ADGRV1: variants seen among roughly 807,000 people sequenced by gnomAD.
The protein encoded by ADGRV1 is G-protein coupled receptor 98.
Under a neutral mutation model 596.2 loss-of-function variants are expected in ADGRV1, and 359 were observed. That is an observed-to-expected ratio of 0.60 (90% confidence interval 0.55 to 0.66). The LOEUF (loss-of-function observed/expected upper bound fraction) is 0.66, where lower values mean the gene tolerates loss of function less well. ADGRV1 is among the 30% of genes least tolerant of loss of function. The pLI, the probability that ADGRV1 is intolerant of heterozygous loss-of-function variation, is 0.00. For missense variants in ADGRV1, 7,274 were observed against 7,575.6 expected, an observed-to-expected ratio of 0.96 and a Z score of 1.48; for synonymous variants, 2,681 against 2,679.2, an observed-to-expected ratio of 1.00 and a Z score of -0.02.
intron 87 of ADGRV1, among the ~76,000 whole-genome samples, chr5:91,140,232 C>G (rs573164334): frequency 6.6e-6 from 1 of 152,144 alleles, no homozygotes; most frequent in Admixed American, 6.5e-5. Context: ...GCAAAGTGAT[C>G]CCTTCTCCTC....
At chr5:90,805,507 A>G in intron 72 of ADGRV1, 49 bp downstream of exon 72, 1 of 1,414,586 alleles carries the variant, frequency 7.1e-7, no homozygotes, top group East Asian at 2.3e-5. Flanking sequence ...TTGGAAGGAT[A>G]TCACTGGCCA....
chr5:91,094,454 T>G (rs966861673), intron 86 of ADGRV1, among the ~76,000 whole-genome samples: 4 of 142,190 alleles, frequency 2.8e-5, no homozygotes, highest in African/African-American at 1.2e-4. Flanking sequence ...GTGAGAGTCC[T>G]TCTATGTAAA....
At chr5:90,620,484 A>C (rs1763920872) in intron 4 of ADGRV1, among the ~76,000 whole-genome samples, 1 of 152,120 alleles carries the variant, frequency 6.6e-6, no homozygotes, top group Non-Finnish European at 1.5e-5. Flanking sequence ...TTCATTGTAG[A>C]TTCTGGATAT....
intron 84 of ADGRV1, among the ~76,000 whole-genome samples, chr5:90,982,448 G>A (rs1447330768): frequency 6.6e-6 from 1 of 152,180 alleles, no homozygotes; most frequent in Non-Finnish European, 1.5e-5. Flanking sequence ...CTTTGGGAAA[G>A]CAATACATTA....
intron 2 of ADGRV1, chr5:90,617,600 G>T (rs1047064769): frequency 1.6e-5 from 7 of 437,858 alleles, no homozygotes; most frequent in South Asian, 2.7e-5. Flanking sequence ...GAGCCACTGC[G>T]CCTGGCCTGG....
At chr5:90,816,045 C>T (rs1762859664) in intron 75 of ADGRV1, among the ~76,000 whole-genome samples, 1 of 152,206 alleles carries the variant, frequency 6.6e-6, no homozygotes, top group Non-Finnish European at 1.5e-5. Context: ...GTGATGAAAA[C>T]TTGGAGTACC....
intron 86 of ADGRV1, among the ~76,000 whole-genome samples, chr5:91,074,668 C>A (rs914652462): frequency 2.6e-5 from 4 of 152,292 alleles, no homozygotes; most frequent in Non-Finnish European, 5.9e-5. Flanking sequence ...AGAACAATTT[C>A]TATTCCTTTG....
chr5:90,987,255 C>T (rs1178412991), intron 85 of ADGRV1, among the ~76,000 whole-genome samples: 2 of 152,052 alleles, frequency 1.3e-5, no homozygotes, highest in African/African-American at 4.8e-5. Context: ...CGGAGACAGG[C>T]TGATCACAAG....
chr5:91,013,995 A>G (rs988683357), intron 85 of ADGRV1, among the ~76,000 whole-genome samples: 9 of 151,814 alleles, frequency 5.9e-5, no homozygotes, highest in African/African-American at 2.2e-4. Context: ...TGGTCAGCTT[A>G]GTTAAAGATC....
At chr5:91,061,071 A>G (rs546764884) in intron 85 of ADGRV1, among the ~76,000 whole-genome samples, 24 of 152,302 alleles carry the variant, frequency 1.6e-4, no homozygotes, top group African/African-American at 5.5e-4. Flanking sequence ...CTAGAAAATC[A>G]TTAGGTAACC....
intron 83 of ADGRV1, among the ~76,000 whole-genome samples, chr5:90,877,240 T>G (rs1230815077): frequency 6.6e-6 from 1 of 152,174 alleles, no homozygotes; most frequent in African/African-American, 2.4e-5. Flanking sequence ...AAAGGATTGC[T>G]CTACCTTGGA....
intron 74 of ADGRV1, among the ~76,000 whole-genome samples, 192 bp downstream of exon 74, chr5:90,811,530 A>C (rs1381946049): frequency 6.6e-6 from 1 of 152,164 alleles, no homozygotes; most frequent in African/African-American, 2.4e-5. Flanking sequence ...AGGGCCCTAT[A>C]ATTTAATGTA....
chr5:90,984,851 T>C (rs775829542), intron 84 of ADGRV1, among the ~76,000 whole-genome samples: 10 of 152,230 alleles, frequency 6.6e-5, no homozygotes, highest in Non-Finnish European at 1.5e-4. Context: ...CACTGGACAC[T>C]GAGATCAAGG....
chr5:90,727,478 T>C (rs908114815), intron 48 of ADGRV1, among the ~76,000 whole-genome samples: 1 of 152,188 alleles, frequency 6.6e-6, no homozygotes, highest in African/African-American at 2.4e-5. Context: ...TTCCTTGACC[T>C]CCTCAGATCC....
At chr5:90,601,270 C>G (rs1189096381) in intron 1 of ADGRV1, among the ~76,000 whole-genome samples, 1 of 151,344 alleles carries the variant, frequency 6.6e-6, no homozygotes, top group East Asian at 1.9e-4. Flanking sequence ...AAAACGAATT[C>G]TTGTAAATAA....
intron 85 of ADGRV1, among the ~76,000 whole-genome samples, chr5:91,024,672 T>G (rs1396187581): frequency 6.6e-6 from 1 of 152,182 alleles, no homozygotes; most frequent in African/African-American, 2.4e-5. Flanking sequence ...AAAAGTTACT[T>G]TGTTCTCTCA....
At chr5:91,086,095 C>A (rs558500832) in intron 86 of ADGRV1, among the ~76,000 whole-genome samples, 23 of 152,288 alleles carry the variant, frequency 1.5e-4, no homozygotes, top group Admixed American at 2.6e-4. Context: ...ACACCCTATT[C>A]TTTTACAAGT....
intron 86 of ADGRV1, among the ~76,000 whole-genome samples, chr5:91,092,462 C>T (rs1388108945): frequency 2.6e-5 from 4 of 152,166 alleles, no homozygotes; most frequent in South Asian, 2.1e-4. Flanking sequence ...TGTGATAGAA[C>T]TTCAGGTCTG....
intron 18 of ADGRV1, among the ~76,000 whole-genome samples, 183 bp downstream of exon 18, chr5:90,651,913 A>G (rs528352058): frequency 6.6e-6 from 1 of 152,222 alleles, no homozygotes; most frequent in East Asian, 1.9e-4. Flanking sequence ...AAAAAAAAAA[A>G]TCTTTTAGCT....
Sources: gnomAD v4.1 joint callset for allele counts (sites outside exome capture counted in the v4.1 genomes callset) on GRCh38, gnomAD v4.1.1 for gene constraint, MANE v1.5 for transcripts, NCBI Gene and HGNC (gene_info 2026-07-23, HGNC 2026-07-21) for gene names.